DCPS: variants seen among roughly 807,000 people sequenced by gnomAD.
DCPS encodes decapping enzyme, scavenger, also known as m7GpppX diphosphatase.
Under a neutral mutation model 34.7 loss-of-function variants are expected in DCPS, and 27 were observed. The ratio of observed to expected loss-of-function variants is 0.78; its 90% confidence interval spans 0.57 to 1.07. The LOEUF is 1.07. Among genes scored for constraint, DCPS ranks in the 50% least tolerant of loss-of-function variants. The pLI, the probability that DCPS is intolerant of heterozygous loss-of-function variation, is 0.00. For missense variants in DCPS, 464 were observed against 436.9 expected, an observed-to-expected ratio of 1.06 and a Z score of -0.55; for synonymous variants, 185 against 185.7, an observed-to-expected ratio of 1.00 and a Z score of 0.03.
At position 126,336,381 on chromosome 11, in the gene DCPS, T is replaced by C. The variant is rs1245961219; in HGVS notation, c.523-1905T>C. On this transcript the variant is annotated intron_variant, in intron 3 of 5. Coordinates refer to ENST00000263579, the MANE Select transcript of DCPS (RefSeq NM_014026.6). This position sits in a 1 kb window ranked among gnomAD's most constrained non-coding sequence, Gnocchi z 6.3. ...TTGCCACTCGTGGGGGTCTCCCTTA[T>C]ACTGGCTGTGCTAGGTGCTTTCATG... The C allele has an allele frequency of 6.6e-6, 1 of 152,346 alleles. No homozygotes were observed. The highest frequency in any genetic ancestry group is 1.9e-4 in the East Asian group (1 of 5,196). The allele number at this position is 152,346 out of a possible 1,614,324, so 9.4% of individuals were successfully genotyped here.
chr11:126,306,777 A>G, intron 2 of DCPS, 33 bp downstream of exon 2: 1 of 1,577,220 alleles, frequency 6.3e-7, no homozygotes, highest in Non-Finnish European at 8.7e-7. Context: ...GGCTGTATGG[A>G]GGGAGAATGG....
chr11:126,305,701 A>G (rs11220450), intron 1 of DCPS, among the ~76,000 whole-genome samples: 109,308 of 152,080 alleles, frequency 0.72, 40,327 homozygotes, highest in East Asian at 0.99. Flanking sequence ...GATTATAGGC[A>G]TGAGCGACTG....
At position 126,335,597 on chromosome 11, in the gene DCPS, C is replaced by T. The variant is rs1007024633; in HGVS notation, c.523-2689C>T. 3.3e-5 allele frequency among the ~76,000 whole-genome samples: 5 copies of T among 152,202 alleles called. No individual in the cohort carries two copies. The highest frequency in any genetic ancestry group is 1.2e-4 in the African/African-American group (5 of 41,454). On this transcript the variant is annotated intron_variant, in intron 3 of 5. Transcript: ENST00000263579. The surrounding 1 kb of genome is among the most constrained non-coding windows in gnomAD (Gnocchi z 4.8). ...TCATGGTTGGAATTGGCTGACCCAG[C>T]GTGAACTTCCTTGCACTTGCATTCT...
Position 126,312,501 on chromosome 11 carries a change from G to A in DCPS, c.376+5757G>A, listed in dbSNP as rs1453213877. On this transcript the variant is annotated intron_variant, in intron 2 of 5. Transcript: ENST00000263579. The surrounding 1 kb of genome is among the most constrained non-coding windows in gnomAD (Gnocchi z 5.1). ...CTACAGGCACCCGCCACCACACCCA[G>A]CTAATTTTTTTGTATTTTTAATAGA... Among the ~76,000 whole-genome samples, 1 of 151,350 alleles carries A rather than the reference G, an allele frequency of 6.6e-6. No homozygotes were observed. The highest frequency in any genetic ancestry group is 2.0e-4 in the East Asian group (1 of 5,092).
At position 126,345,743 on chromosome 11, in the gene DCPS, G is replaced by C; in HGVS notation, c.*130G>C. 2 of 1,390,926 alleles carry C rather than the reference G, an allele frequency of 1.4e-6. No homozygotes were observed. Among genetic ancestry groups the C allele is most frequent in the Admixed American group, 4.5e-5 (2 of 44,478 alleles). 86.2% of individuals were successfully genotyped at this position (1,390,926 alleles called of 1,614,324 possible). On this transcript the variant is annotated 3_prime_UTR_variant, in exon 6 of 6. Transcript: ENST00000263579. The surrounding 1 kb of genome is among the most constrained non-coding windows in gnomAD (Gnocchi z 7.4). ...TATTCCTAGTATTGAATAAACTAGC[G>C]GGCTCACTCAGTGTGGACAGCGTGG...
Position 126,332,164 on chromosome 11 carries a change from C to T in DCPS, c.522+614C>T, listed in dbSNP as rs930379601. Among the ~76,000 whole-genome samples the T allele has an allele frequency of 7.2e-5, 11 of 152,222 alleles. No homozygotes were observed. Among genetic ancestry groups the T allele is most frequent in the African/African-American group, 2.7e-4 (11 of 41,462 alleles). Reference sequence around the variant, plus strand: ...AGTCTCAGAGGAAAAACTCTTCCCTCACCGACTCCCCCTTGCATTCGTCCA... The same window carrying T: ...AGTCTCAGAGGAAAAACTCTTCCCTTACCGACTCCCCCTTGCATTCGTCCA... On this transcript the variant is annotated intron_variant, in intron 3 of 5. Transcript: ENST00000263579. The surrounding 1 kb of genome is among the most constrained non-coding windows in gnomAD (Gnocchi z 5.4).
intron 4 of DCPS, among the ~76,000 whole-genome samples, chr11:126,340,361 G>T (rs1951866804): frequency 6.7e-6 from 1 of 150,330 alleles, no homozygotes; most frequent in African/African-American, 2.5e-5. Context: ...TCACTCTGTT[G>T]CCCAGGCTGG....
Position 126,345,508 on chromosome 11 carries a change from G to C in DCPS, c.909G>C (p.Glu303Asp), listed in dbSNP as rs748154833. The C allele has an allele frequency of 8.7e-6, 14 of 1,614,130 alleles. No homozygotes were observed. The highest frequency in any genetic ancestry group is 1.2e-5 in the Non-Finnish European group (14 of 1,180,044). ...ERAHLLAEVI[E>D]NLECDPRHYQ... ...CCCACCTGCTGGCTGAGGTGATCGA[G>C]AACTTGGAGTGTGACCCTAGGCACT... Residue 303 changes from glutamate to aspartate, a missense_variant, in exon 6 of 6, where the codon GAG becomes GAC. Transcript: ENST00000263579. This position sits in a 1 kb window ranked among gnomAD's most constrained non-coding sequence, Gnocchi z 7.4.
chr11:126,338,011 C>T lies in DCPS; in HGVS notation c.523-275C>T. The stretch of plus-strand genomic sequence containing the variant: ...CGCAGAGCATGTGCACTATGCTGAC[C>T]AGGAAGAGCCTGGCCCCTTCCAAGC... On this transcript the variant is annotated intron_variant, in intron 3 of 5. Transcript: ENST00000263579. The surrounding 1 kb of genome is among the most constrained non-coding windows in gnomAD (Gnocchi z 5.4). 2 of 471,410 alleles carry T rather than the reference C, an allele frequency of 4.2e-6. No individual in the cohort carries two copies. The highest frequency in any genetic ancestry group is 6.8e-5 in the Admixed American group (2 of 29,608). The allele number at this position is 471,410 out of a possible 1,614,324, so 29.2% of individuals were successfully genotyped here. A position where few individuals can be genotyped will look rare whatever the true frequency, so the allele number is the denominator to read the frequency against.
intron 2 of DCPS, among the ~76,000 whole-genome samples, chr11:126,318,784 T>A (rs370600388): frequency 6.6e-6 from 1 of 152,242 alleles, no homozygotes; most frequent in Non-Finnish European, 1.5e-5. Flanking sequence ...GAGCTCATCC[T>A]GTAGAAGCCA....
chr11:126,329,678 C>T lies in DCPS; in HGVS notation c.377-1727C>T, dbSNP rs1320326778. Among the ~76,000 whole-genome samples the T allele has an allele frequency of 2.0e-5, 3 of 152,196 alleles. No individual in the cohort carries two copies. The highest frequency in any genetic ancestry group is 7.2e-5 in the African/African-American group (3 of 41,440). ...TGAGATGGCCTCAGTTCCAGGTTCG[C>T]CTCTGCCACGTTTCACGGTGTGATA... On this transcript the variant is annotated intron_variant, in intron 2 of 5. Coordinates refer to ENST00000263579, the MANE Select transcript of DCPS (RefSeq NM_014026.6). The surrounding 1 kb of genome is among the most constrained non-coding windows in gnomAD (Gnocchi z 5.0).
rs529109608 is a variant in DCPS at position 126,346,434 on chromosome 11, A to G, written c.*821A>G. On this transcript the variant is annotated 3_prime_UTR_variant, in exon 6 of 6. Coordinates refer to ENST00000263579, the MANE Select transcript of DCPS (RefSeq NM_014026.6). The surrounding 1 kb of genome is among the most constrained non-coding windows in gnomAD (Gnocchi z 4.1). ...CTCGGGTTCAAGGCCTATCAGAGGC[A>G]GATGTTCAGAGGATCTTGAGACCAG... is the stretch of plus-strand genomic sequence containing the variant. Among the ~76,000 whole-genome samples, 1 of 152,364 alleles carries G rather than the reference A, an allele frequency of 6.6e-6. No homozygotes were observed. Among genetic ancestry groups the G allele is most frequent in the South Asian group, 2.1e-4 (1 of 4,826 alleles).
chr11:126,321,621 G>C (rs536046409), intron 2 of DCPS, among the ~76,000 whole-genome samples: 25 of 152,234 alleles, frequency 1.6e-4, no homozygotes, highest in Non-Finnish European at 2.6e-4. Flanking sequence ...CCTTCAGGAG[G>C]GAGTGGACAG....
chr11:126,316,716 C>G (rs1029448474), intron 2 of DCPS, among the ~76,000 whole-genome samples: 1 of 149,296 alleles, frequency 6.7e-6, no homozygotes, highest in South Asian at 2.1e-4. Context: ...GCGGTGGCGT[C>G]GTGATCTCAG....
At chr11:126,311,484 A>G (rs1325712969) in intron 2 of DCPS, among the ~76,000 whole-genome samples, 1 of 152,246 alleles carries the variant, frequency 6.6e-6, no homozygotes, top group Non-Finnish European at 1.5e-5. Flanking sequence ...ACAAGGAAGC[A>G]GATGTCTGAG....
At chr11:126,309,759 G>C (rs1298097271) in intron 2 of DCPS, among the ~76,000 whole-genome samples, 1 of 152,140 alleles carries the variant, frequency 6.6e-6, no homozygotes, top group Non-Finnish European at 1.5e-5. Flanking sequence ...TTTTCCCTGG[G>C]TGATATTTGA....
At chr11:126,306,808 T>C in intron 2 of DCPS, 64 bp downstream of exon 2, 1 of 1,542,762 alleles carries the variant, frequency 6.5e-7, no homozygotes, top group Non-Finnish European at 8.8e-7. Context: ...AATTAGGTGG[T>C]ATGGTGACCA....
rs1951975921 is a variant in DCPS at position 126,349,915 on chromosome 11, C to T, written c.*4302C>T. Among the ~76,000 whole-genome samples the T allele has an allele frequency of 6.6e-6, 1 of 152,178 alleles. No homozygotes were observed. Among genetic ancestry groups the T allele is most frequent in the Admixed American group, 6.5e-5 (1 of 15,270 alleles). ...TCAACTTGAAGTTACCAAGTTTTAA[C>T]CACTGTTAGAAAATAAGCAGGAATG... On this transcript the variant is annotated 3_prime_UTR_variant, in exon 6 of 6. Coordinates refer to ENST00000263579, the MANE Select transcript of DCPS (RefSeq NM_014026.6). This position sits in a 1 kb window ranked among gnomAD's most constrained non-coding sequence, Gnocchi z 5.4.
chr11:126,333,826 A>G lies in DCPS; in HGVS notation c.522+2276A>G, dbSNP rs1191403763. 7.9e-5 allele frequency among the ~76,000 whole-genome samples: 12 copies of G among 152,048 alleles called. No individual in the cohort carries two copies. On this transcript the variant is annotated intron_variant, in intron 3 of 5. Coordinates refer to ENST00000263579, the MANE Select transcript of DCPS (RefSeq NM_014026.6). This position sits in a 1 kb window ranked among gnomAD's most constrained non-coding sequence, Gnocchi z 5.7. ...TACCGAGCACAGAGCACTATTCCAT[A>G]TCTGCTGAATCTCACGCTTCAGGGA...
Sources: allele counts gnomAD v4.1 joint callset (sites outside exome capture counted in the v4.1 genomes callset), GRCh38; gene constraint gnomAD v4.1.1; non-coding constraint Gnocchi (gnomAD v3.1); transcripts MANE v1.5; gene names NCBI Gene and HGNC (gene_info 2026-07-23, HGNC 2026-07-21).